The following BUB1B variants were observed in gnomAD, a reference collection of about 807,000 sequenced individuals.
BUB1B encodes the protein BUB1 mitotic checkpoint serine/threonine kinase B, also known as mitotic checkpoint serine/threonine-protein kinase BUB1 beta.
BUB1B carries 86 observed loss-of-function variants against 137.7 expected under a neutral mutation model. The ratio of observed to expected loss-of-function variants is 0.62; its 90% CI spans 0.52 to 0.75. The LOEUF (loss-of-function observed/expected upper bound fraction) is 0.75. Among genes scored for constraint, BUB1B ranks in the 30% least tolerant of loss-of-function variants. BUB1B has a pLI of 0.00. For synonymous variants in BUB1B, 420 were observed against 417.9 expected (o/e 1.00, Z -0.06); for missense variants, 1,130 against 1,236.9 (o/e 0.91, Z 1.30).
chr15:40,201,017 G>A (rs760380590), intron 12 of BUB1B, 37 bp downstream of exon 12: 66 of 1,569,552 alleles, frequency 4.2e-5, no homozygotes, highest in Non-Finnish European at 5.4e-5. Context: ...AGAACTTGCT[G>A]ATAACAAATG....
intron 4 of BUB1B, among the ~76,000 whole-genome samples, chr15:40,173,297 A>T (rs76656197): frequency 2.5e-5 from 3 of 121,038 alleles, no homozygotes; most frequent in African/African-American, 1.6e-4. Context: ...AAAAAAGATA[A>T]AAAAAAAAAA....
At position 40,165,127 on chromosome 15, in the gene BUB1B, T is replaced by A. The variant is rs753844539; in HGVS notation, c.110T>A (p.Ile37Asn). 33 of 1,613,982 alleles carry A rather than the reference T, an allele frequency of 2.0e-5. No individual in the cohort carries two copies. Among genetic ancestry groups the A allele is most frequent in the African/African-American group, 2.7e-5 (2 of 74,868 alleles). Residue 37 changes from isoleucine to asparagine, a missense_variant, in exon 2 of 23, where the codon ATC becomes AAC. By Grantham distance (149) the Ile-to-Asn change is moderately radical. Coordinates refer to ENST00000287598, the MANE Select transcript of BUB1B (RefSeq NM_001211.6). ...ENVQPLRQGR[I>N]MSTLQGALAQ... is the part of the protein sequence containing the mutation. ...GTACAACCTTTAAGGCAAGGGCGGATCATGTCCACGCTTCAGGGAGCACTG... is the reference window on the plus strand; with the variant it reads ...GTACAACCTTTAAGGCAAGGGCGGAACATGTCCACGCTTCAGGGAGCACTG...
Position 40,196,651 on chromosome 15 carries a change from T to A in BUB1B, c.1165T>A (p.Ser389Thr), listed in dbSNP as rs878958836. 1 of 1,613,800 alleles carries A rather than the reference T, an allele frequency of 6.2e-7. No homozygotes were observed. Among genetic ancestry groups the A allele is most frequent in the African/African-American group, 1.3e-5 (1 of 74,878 alleles). Residue 389 changes from serine to threonine, a missense_variant, in exon 9 of 23, where the codon TCT becomes ACT. Coordinates refer to ENST00000287598, the MANE Select transcript of BUB1B (RefSeq NM_001211.6). ...AAGGGTTCAGAGCCATCAGCAAGCG[T>A]CTGAGGAGAAGAAAGAGAAGATGAT... The part of the protein sequence containing the change: ...LQRVQSHQQA[S>T]EEKKEKMMYC...
intron 17 of BUB1B, 71 bp downstream of exon 17, chr15:40,209,846 T>C: frequency 1.3e-6 from 2 of 1,570,478 alleles, no homozygotes; most frequent in Non-Finnish European, 1.8e-6. Flanking sequence ...GTACTTAAGC[T>C]TGATGCTTGA....
chr15:40,192,784 G>T (rs535245291), intron 8 of BUB1B, among the ~76,000 whole-genome samples: 1 of 152,102 alleles, frequency 6.6e-6, no homozygotes, highest in African/African-American at 2.4e-5. Context: ...TTATCCATTC[G>T]CCCACAGGAG....
In BUB1B at chr15:40,200,975, C is replaced by G. The variant is rs1170497747; in HGVS notation, c.1562C>G (p.Ser521Cys). The change falls in exon 12 of 23, where the codon TCT (serine) becomes TGT (cysteine). Residue 521 changes from serine to cysteine, a missense_variant. Transcript: ENST00000287598. ...AENIWQEQPH[S>C]KGPSVPFSIF... The stretch of plus-strand genomic sequence containing the variant: ...AACATTTGGCAGGAACAACCTCATT[C>G]TAAAGGTGAGTTGTATTTGACAGCC... 3 of 1,613,002 alleles carry G rather than the reference C, an allele frequency of 1.9e-6. No individual in the cohort carries two copies. Among genetic ancestry groups the G allele is most frequent in the African/African-American group, 2.7e-5 (2 of 74,998 alleles).
chr15:40,190,674 T>C (rs1312345317), intron 8 of BUB1B, among the ~76,000 whole-genome samples: 5 of 152,162 alleles, frequency 3.3e-5, no homozygotes, highest in Non-Finnish European at 7.3e-5. Flanking sequence ...CATATCCAAA[T>C]CATCAGCATC....
At chr15:40,166,174 G>A (rs1248361224) in intron 2 of BUB1B, among the ~76,000 whole-genome samples, 3 of 152,054 alleles carry the variant, frequency 2.0e-5, no homozygotes, top group Non-Finnish European at 1.5e-5. Context: ...ATTTTTTCAT[G>A]TTACATGCAT....
intron 8 of BUB1B, among the ~76,000 whole-genome samples, chr15:40,194,872 G>T (rs2037479385): frequency 6.6e-6 from 1 of 152,126 alleles, no homozygotes; most frequent in African/African-American, 2.4e-5. Flanking sequence ...TGAGGATATG[G>T]TATTAAGATT....
At chr15:40,202,277 T>G in intron 12 of BUB1B, 128 bp from the exon 13 acceptor site, 1 of 770,820 alleles carries the variant, frequency 1.3e-6, no homozygotes, top group Non-Finnish European at 2.2e-6. Context: ...GTTTGAAGCT[T>G]TTTGTTATTA....
intron 5 of BUB1B, among the ~76,000 whole-genome samples, chr15:40,179,468 T>TA (rs1294865219): frequency 1.3e-5 from 2 of 152,208 alleles, no homozygotes; most frequent in Non-Finnish European, 2.9e-5. Flanking sequence ...TAGTGACACT[T>TA]ATGTTAATTA....
chr15:40,191,992 A>T (rs899060451), intron 8 of BUB1B, among the ~76,000 whole-genome samples: 1 of 152,088 alleles, frequency 6.6e-6, no homozygotes, highest in African/African-American at 2.4e-5. Flanking sequence ...GTAATTCCTT[A>T]TACATTTTAA....
chr15:40,173,841 G>A, intron 4 of BUB1B: 1 of 352,358 alleles, frequency 2.8e-6, no homozygotes, highest in Non-Finnish European at 5.4e-6. Context: ...CTGGTCAAGA[G>A]GAGTAACAGA....
intron 18 of BUB1B, among the ~76,000 whole-genome samples, chr15:40,210,860 G>C (rs1279833679): frequency 2.0e-5 from 3 of 152,110 alleles, no homozygotes; most frequent in Admixed American, 2.0e-4. Flanking sequence ...CTTCTTTCTG[G>C]ATCCTTATAG....
intron 6 of BUB1B, 123 bp from the exon 7 acceptor site, chr15:40,185,041 CT>C (rs1007028258): frequency 0.012 from 6,972 of 580,682 alleles, 1 homozygote; most frequent in South Asian, 0.013. Flanking sequence ...TTTAAAATTT[CT>C]TTTTTTTTTT....
chr15:40,217,812 T>A, intron 21 of BUB1B, 145 bp downstream of exon 21: 1 of 1,014,146 alleles, frequency 9.9e-7, no homozygotes. Flanking sequence ...TCAAGTAAAA[T>A]GTAACATTTT....
At position 40,200,915 on chromosome 15, in the gene BUB1B, A is replaced by G; in HGVS notation, c.1518-16A>G. On this transcript the variant is annotated splice_polypyrimidine_tract_variant and intron_variant, in intron 11 of 22. Coordinates refer to ENST00000287598, the MANE Select transcript of BUB1B (RefSeq NM_001211.6). ...GTGGGTATTGAGCACATGATTTAAA[A>G]CAAGTTTCTTTACAGAGAAACTTCA... is the stretch of plus-strand genomic sequence containing the variant. 1.2e-6 allele frequency: 2 copies of G among 1,612,586 alleles called. No individual in the cohort carries two copies. The highest frequency in any genetic ancestry group is 1.3e-5 in the African/African-American group (1 of 75,020).
At position 40,196,730 on chromosome 15, in the gene BUB1B, T is replaced by C. The variant is rs1226846793; in HGVS notation, c.1244T>C (p.Ile415Thr). 1.2e-6 allele frequency: 2 copies of C among 1,614,026 alleles called. No individual in the cohort carries two copies. The highest frequency in any genetic ancestry group is 1.7e-6 in the Non-Finnish European group (2 of 1,179,928). The change falls in exon 9 of 23, where the codon ATT becomes ACT. Residue 415 changes from isoleucine to threonine, a missense_variant. Physicochemically the swap from Ile to Thr is moderately conservative, Grantham distance 89. Transcript: ENST00000287598. ...GTAGGGGAATTCTCCTTTGAAGAAA[T>C]TCGGGCTGAAGTTTTCCGGAAGAAA... ...AGVGEFSFEE[I>T]RAEVFRKKLK...
At chr15:40,164,050 C>G (rs565731829) in intron 1 of BUB1B, among the ~76,000 whole-genome samples, 116 of 152,246 alleles carry the variant, frequency 7.6e-4, no homozygotes, top group African/African-American at 2.6e-3. Flanking sequence ...TGGGAATTAC[C>G]TCCAAAACGT....
Sources: allele counts gnomAD v4.1 joint callset (sites outside exome capture counted in the v4.1 genomes callset), GRCh38; gene constraint gnomAD v4.1.1; transcripts MANE v1.5; gene names NCBI Gene and HGNC (gene_info 2026-07-23, HGNC 2026-07-21).